The following KCTD9 variants were observed in gnomAD, a reference collection of about 807,000 sequenced individuals.
KCTD9 encodes BTB/POZ domain-containing protein KCTD9.
In KCTD9, 17 loss-of-function variants were observed where a neutral mutation model predicts 53.3. The observed-to-expected ratio is 0.32, with a 90% CI of 0.22 to 0.48. KCTD9 has a LOEUF of 0.48. Ranked by LOEUF, KCTD9 falls within the 20% of genes least tolerant of loss-of-function variation. The probability of loss-of-function intolerance (pLI) is 0.99; values close to 1 mark genes in which losing one functional copy is unlikely to be tolerated. For missense variants in KCTD9, 179 were observed against 465.5 expected, an observed-to-expected ratio of 0.38 and a Z score of 5.66; for synonymous variants, 128 against 162.7, an observed-to-expected ratio of 0.79 and a Z score of 1.62.
chr8:25,446,555 T>C (rs1802217792), intron 1 of KCTD9, among the ~76,000 whole-genome samples: 1 of 152,198 alleles, frequency 6.6e-6, no homozygotes, highest in Admixed American at 6.5e-5. Context: ...GAGTCTGACA[T>C]TTTCTAGCTG....
At chr8:25,451,899 T>A (rs1454861343) in intron 1 of KCTD9, among the ~76,000 whole-genome samples, 2 of 152,224 alleles carry the variant, frequency 1.3e-5, no homozygotes, top group Non-Finnish European at 2.9e-5. Context: ...GCCACTTTAA[T>A]CAATCCTAAT....
chr8:25,433,658 A>G (rs1801968201), intron 9 of KCTD9, among the ~76,000 whole-genome samples: 1 of 152,278 alleles, frequency 6.6e-6, no homozygotes, highest in African/African-American at 2.4e-5. Flanking sequence ...TTTAAAAAAT[A>G]AATGCAAATT....
At chr8:25,453,167 A>G (rs967503428) in intron 1 of KCTD9, among the ~76,000 whole-genome samples, 10 of 151,480 alleles carry the variant, frequency 6.6e-5, no homozygotes, top group Non-Finnish European at 1.2e-4. Context: ...GACCAGCCTG[A>G]CCAACATGGT....
chr8:25,431,205 G>C (rs1801923654), intron 11 of KCTD9, among the ~76,000 whole-genome samples: 2 of 152,056 alleles, frequency 1.3e-5, no homozygotes, highest in South Asian at 4.1e-4. Context: ...TGAGATGGGG[G>C]GAAGACTTTT....
chr8:25,433,814 A>G (rs1036658906), intron 9 of KCTD9, among the ~76,000 whole-genome samples: 1 of 152,220 alleles, frequency 6.6e-6, no homozygotes, highest in African/African-American at 2.4e-5. Flanking sequence ...TAAGGAAGGC[A>G]TAGACTTGTT....
intron 3 of KCTD9, among the ~76,000 whole-genome samples, chr8:25,443,604 G>C (rs1802162044): frequency 6.6e-6 from 1 of 152,190 alleles, no homozygotes; most frequent in Non-Finnish European, 1.5e-5. Context: ...TTTTAAGGTA[G>C]AGACAGACAG....
At chr8:25,447,392 T>C (rs542490332) in intron 1 of KCTD9, among the ~76,000 whole-genome samples, 31 of 151,966 alleles carry the variant, frequency 2.0e-4, no homozygotes, top group African/African-American at 6.8e-4. Flanking sequence ...GTCTCCCCGC[T>C]AAAAAAAGAA....
chr8:25,435,618 T>A, intron 8 of KCTD9, 106 bp from the exon 9 acceptor site: 1 of 896,536 alleles, frequency 1.1e-6, no homozygotes, highest in Non-Finnish European at 1.7e-6. Context: ...AATTGGCAGT[T>A]CAGTCACTTG....
intron 1 of KCTD9, among the ~76,000 whole-genome samples, chr8:25,454,449 G>A (rs1010967847): frequency 3.9e-5 from 6 of 152,268 alleles, no homozygotes; most frequent in South Asian, 2.1e-4. Flanking sequence ...TGTTCAAGAC[G>A]TATAGAAACT....
intron 1 of KCTD9, among the ~76,000 whole-genome samples, chr8:25,453,926 TTC>T (rs1191791643): frequency 6.6e-6 from 1 of 152,196 alleles, no homozygotes; most frequent in African/African-American, 2.4e-5. Flanking sequence ...CCTCACTAGG[TTC>T]TTATTAATGT....
rs1318248494 is a variant in KCTD9, at chr8:25,446,173, C to T, written c.126G>A (p.Val42=). The T allele has an allele frequency of 6.2e-7, 1 of 1,613,978 alleles. No individual in the cohort carries two copies. The highest frequency in any genetic ancestry group is 8.5e-7 in the Non-Finnish European group (1 of 1,179,902). ...SSKLGIKATS[V]YNGKGGLIDD... ...CAATCAGTCCACCTTTCCCATTATA[C>T]ACACTGGTGGCTTTTATGCCGAGTT... Residue 42 remains valine, a synonymous_variant, in exon 2 of 12, where the codon GTG becomes GTA. Coordinates refer to ENST00000221200, the MANE Select transcript of KCTD9 (RefSeq NM_017634.4).
Position 25,439,967 on chromosome 8 carries a change from C to T in KCTD9, c.312-303G>A, listed in dbSNP as rs1214087754. Among the ~76,000 whole-genome samples the T allele has an allele frequency of 2.6e-5, 4 of 152,104 alleles. No homozygotes were observed. The South Asian group carries it at 8.3e-4, about 32-fold the overall frequency. On this transcript the variant is annotated intron_variant, in intron 4 of 11. Coordinates refer to ENST00000221200, the MANE Select transcript of KCTD9 (RefSeq NM_017634.4). ...ATCTTCCAAACTTACATTTTTCTGCCCTTTAATAAAAGCAGTTGTAGTCTC... is the reference window on the plus strand; with the variant it reads ...ATCTTCCAAACTTACATTTTTCTGCTCTTTAATAAAAGCAGTTGTAGTCTC...
At chr8:25,455,940 C>A (rs13277090) in intron 1 of KCTD9, among the ~76,000 whole-genome samples, 2 of 152,028 alleles carry the variant, frequency 1.3e-5, no homozygotes, top group Admixed American at 6.6e-5. Context: ...TCCAATAAAT[C>A]GTCTTGGACA....
chr8:25,428,381 C>G lies in KCTD9; in HGVS notation c.*1476G>C, dbSNP rs1164017105. 6.6e-6 allele frequency: 1 copy of G among 152,476 alleles called. No homozygotes were observed. The highest frequency in any genetic ancestry group is 1.5e-5 in the Non-Finnish European group (1 of 67,992). The allele number at this position is 152,476 out of a possible 1,614,324, so 9.4% of individuals were successfully genotyped here. ...TCCCACTATGCATATGTACCCTTTA[C>G]TGTTAAGGAAAGCTTTGCATATGTA... is the stretch of plus-strand genomic sequence containing the variant. On this transcript the variant is annotated 3_prime_UTR_variant, in exon 12 of 12. Transcript: ENST00000221200.
chr8:25,437,847 C>CAAAAAAAAAAAAAAAAAAAAAAAAA (rs59540797), intron 6 of KCTD9, among the ~76,000 whole-genome samples: 1 of 62,544 alleles, frequency 1.6e-5, no homozygotes, highest in Admixed American at 2.4e-4. Flanking sequence ...GACCCTGTCT[C>CAAAAAAAAAAAAAAAAAAAAAAAAA]AAAAAAAAAA....
intron 10 of KCTD9, 30 bp downstream of exon 10, chr8:25,433,300 T>C: frequency 8.0e-7 from 1 of 1,248,330 alleles, no homozygotes; most frequent in South Asian, 1.2e-5. Flanking sequence ...GCTTCCTTCG[T>C]AGAATAGGTA....
rs983894189 is a variant in KCTD9 at position 25,434,169 on chromosome 8, A to G, written c.814-734T>C. Among the ~76,000 whole-genome samples, 3 of 152,154 alleles carry G rather than the reference A, an allele frequency of 2.0e-5. No individual in the cohort carries two copies. In the East Asian group the frequency reaches 5.8e-4, roughly 29 times the overall value. ...GGATGGAGTGCAGTGGTGCTGTCTC[A>G]GCTCACTGCAATCTCTGCCTCCCAA... On this transcript the variant is annotated intron_variant, in intron 9 of 11. Coordinates refer to ENST00000221200, the MANE Select transcript of KCTD9 (RefSeq NM_017634.4).
intron 2 of KCTD9, 42 bp downstream of exon 2, chr8:25,446,087 T>C (rs1050113919): frequency 6.2e-7 from 1 of 1,602,892 alleles, no homozygotes; most frequent in African/African-American, 1.3e-5. Flanking sequence ...CACCAAGAAG[T>C]TGAGGCACAC....
rs555747955 is a variant in KCTD9, at chr8:25,442,025, AGAAAG to A, written c.215-1357_215-1353del. On this transcript the variant is annotated intron_variant, in intron 3 of 11. Transcript: ENST00000221200. ...TCTCAAAAAAATAAATAAAATAAAA[AGAAAG>A]GAAAAGAAAGTTTCAAACATAAAAG... Among the ~76,000 whole-genome samples the A allele has an allele frequency of 2.2e-4, 34 of 152,196 alleles. No homozygotes were observed. The East Asian group carries it at 5.8e-3, about 26-fold the overall frequency.
Sources: allele counts gnomAD v4.1 joint callset (sites outside exome capture counted in the v4.1 genomes callset), GRCh38; gene constraint gnomAD v4.1.1; transcripts MANE v1.5; gene names NCBI Gene and HGNC (gene_info 2026-07-23, HGNC 2026-07-21).